Variants in NDUFA8 observed in about 807,000 individuals in gnomAD.
The protein encoded by NDUFA8 is NADH dehydrogenase [ubiquinone] 1 alpha subcomplex subunit 8.
A neutral mutation model predicts 20.9 loss-of-function variants in NDUFA8; 16 were observed. The observed-to-expected ratio is 0.77, with a 90% CI of 0.52 to 1.16. The LOEUF (loss-of-function observed/expected upper bound fraction) is 1.16, where lower values mean the gene tolerates loss of function less well. Ranked by LOEUF, NDUFA8 falls within the 50% of genes most tolerant of loss-of-function variation. The pLI, the probability that NDUFA8 is intolerant of heterozygous loss-of-function variation, is 0.00. For missense variants in NDUFA8, 202 were observed against 216.4 expected, an observed-to-expected ratio of 0.93 and a Z score of 0.42; for synonymous variants, 70 against 76.1, an observed-to-expected ratio of 0.92 and a Z score of 0.41.
In NDUFA8 at chr9:122,152,544, T is replaced by C. The variant is rs1829019488; in HGVS notation, c.52-136A>G. ...ACTTTACCAAGAAAATTAAACACTG[T>C]CATAATAATAATTTTTTTTTTTTTT... On this transcript the variant is annotated intron_variant, in intron 1 of 3. Transcript: ENST00000373768. 28 of 734,834 alleles carry C rather than the reference T, an allele frequency of 3.8e-5. No homozygotes were observed. The South Asian group carries it at 5.1e-4, about 13-fold the overall frequency. 45.5% of individuals were successfully genotyped at this position (734,834 alleles called of 1,614,324 possible).
chr9:122,142,261 G>T (rs1049635716), downstream of NDUFA8, among the ~76,000 whole-genome samples: 2 of 152,214 alleles, frequency 1.3e-5, no homozygotes, highest in African/African-American at 4.8e-5. Context: ...TTTGGAATCA[G>T]ATGTATCTGG....
intron 1 of NDUFA8, among the ~76,000 whole-genome samples, chr9:122,155,892 T>C (rs1829069935): frequency 6.6e-6 from 1 of 152,230 alleles, no homozygotes. Context: ...TATACACATG[T>C]TGCTGAGCAT....
rs1828935245 is a variant in NDUFA8, at chr9:122,148,197, T to G, written c.296A>C (p.His99Pro). ...AAACTTTGCCTGCTGTTTGCGACAG[T>G]GACGAAATAACTGCTGGCCAGTATA... ...IDYTGQQLFR[H>P]CRKQQAKFDE... The change falls in exon 3 of 4, where the codon CAC becomes CCC. Residue 99 changes from histidine to proline, a missense_variant. Coordinates refer to ENST00000373768, the MANE Select transcript of NDUFA8 (RefSeq NM_014222.3). The G allele has an allele frequency of 6.2e-7, 1 of 1,614,048 alleles. No individual in the cohort carries two copies. The highest frequency in any genetic ancestry group is 1.3e-5 in the African/African-American group (1 of 74,912).
the NDUFA8 span, among the ~76,000 whole-genome samples, chr9:122,133,700 C>T: frequency 6.6e-6 from 1 of 152,200 alleles, no homozygotes; most frequent in African/African-American, 2.4e-5. Flanking sequence ...GGTGGCTTGG[C>T]TGAGCTGAAG....
intron 2 of NDUFA8, among the ~76,000 whole-genome samples, chr9:122,148,887 A>G (rs1828947141): frequency 6.6e-6 from 1 of 152,234 alleles, no homozygotes; most frequent in South Asian, 2.1e-4. Flanking sequence ...ATTCTCTGCT[A>G]AGAAGCAGGG....
intron 1 of NDUFA8, among the ~76,000 whole-genome samples, chr9:122,158,150 AAAACAACAAAAC>A: frequency 1.3e-5 from 2 of 152,246 alleles, no homozygotes; most frequent in Non-Finnish European, 1.5e-5. Context: ...GAGACTCTCA[AAAACAACAAAAC>A]AAACAAACAA....
At chr9:122,134,518 G>A in the NDUFA8 span, among the ~76,000 whole-genome samples, 2 of 152,110 alleles carry the variant, frequency 1.3e-5, no homozygotes, top group East Asian at 1.9e-4. Flanking sequence ...CCTAATAAGC[G>A]TCAGTAATTA....
chr9:122,144,237 A>G lies in NDUFA8; in HGVS notation c.*4T>C. On this transcript the variant is annotated 3_prime_UTR_variant, in exon 4 of 4. Coordinates refer to ENST00000373768, the MANE Select transcript of NDUFA8 (RefSeq NM_014222.3). Reference sequence around the variant, plus strand: ...ATGACCGAGTGTGGGCCACGGACCCATCTTTACTTGGTCCAGAAATAAAAG... The same window carrying G: ...ATGACCGAGTGTGGGCCACGGACCCGTCTTTACTTGGTCCAGAAATAAAAG... The G allele has an allele frequency of 6.2e-7, 1 of 1,613,732 alleles. No individual in the cohort carries two copies. The highest frequency in any genetic ancestry group is 8.5e-7 in the Non-Finnish European group (1 of 1,180,018).
intron 3 of NDUFA8, among the ~76,000 whole-genome samples, chr9:122,146,580 C>T (rs1315641834): frequency 1.3e-5 from 2 of 152,120 alleles, no homozygotes; most frequent in Admixed American, 1.3e-4. Flanking sequence ...AGCTTATAAT[C>T]CAACCATTCA....
In NDUFA8 at chr9:122,144,325, T is replaced by C; in HGVS notation, c.435A>G (p.Arg145=). ...TCTCAGGGCTGGGATCCGGTCTTGG[T>C]CTTGAGTGATAGGGATTCTCCGGTA... ...RPLPENPYHS[R]PRPDPSPEIE... is the part of the protein sequence containing the mutation. Residue 145 remains arginine, a synonymous_variant, in exon 4 of 4, where the codon AGA becomes AGG. Coordinates refer to ENST00000373768, the MANE Select transcript of NDUFA8 (RefSeq NM_014222.3). 4 of 1,614,022 alleles carry C rather than the reference T, an allele frequency of 2.5e-6. No individual in the cohort carries two copies. The East Asian group carries it at 8.9e-5, about 36-fold the overall frequency.
rs59160522 is a variant in NDUFA8, at chr9:122,152,555, A to ATTT, written c.52-150_52-148dup. On this transcript the variant is annotated intron_variant, in intron 1 of 3. Coordinates refer to ENST00000373768, the MANE Select transcript of NDUFA8 (RefSeq NM_014222.3). The stretch of plus-strand genomic sequence containing the variant: ...AAAATTAAACACTGTCATAATAATA[A>ATTT]TTTTTTTTTTTTTTTTTGAGACAGG... 9.0e-3 allele frequency: 4,128 copies of ATTT among 460,768 alleles called. 15 individuals are homozygous for ATTT. Among genetic ancestry groups the ATTT allele is most frequent in the African/African-American group, 0.029 (1,305 of 45,592 alleles). 28.5% of individuals were successfully genotyped at this position (460,768 alleles called of 1,614,324 possible).
intron 3 of NDUFA8, 49 bp from the exon 4 acceptor site, chr9:122,144,427 G>T (rs1828871900): frequency 6.4e-7 from 1 of 1,574,316 alleles, no homozygotes; most frequent in Non-Finnish European, 8.7e-7. Context: ...TAGGGTGGAG[G>T]AATCTGTAAC....
chr9:122,148,938 G>A (rs919837765), intron 2 of NDUFA8, among the ~76,000 whole-genome samples: 4 of 152,156 alleles, frequency 2.6e-5, no homozygotes, highest in Non-Finnish European at 5.9e-5. Flanking sequence ...AATGGCTAGA[G>A]AAAATTTAAC....
downstream of NDUFA8, among the ~76,000 whole-genome samples, chr9:122,140,447 A>G (rs1291498591): frequency 3.3e-5 from 5 of 152,242 alleles, no homozygotes; most frequent in Non-Finnish European, 7.3e-5. Context: ...AAAGATGGCA[A>G]TGTAACCTCA....
At chr9:122,153,484 CA>C (rs1230122079) in intron 1 of NDUFA8, among the ~76,000 whole-genome samples, 1 of 151,870 alleles carries the variant, frequency 6.6e-6, no homozygotes, top group Non-Finnish European at 1.5e-5. Flanking sequence ...CCAAGGTTGC[CA>C]CCCCTTTAAC....
chr9:122,141,102 G>C (rs1279103236), downstream of NDUFA8, among the ~76,000 whole-genome samples: 1 of 152,234 alleles, frequency 6.6e-6, no homozygotes, highest in Non-Finnish European at 1.5e-5. Flanking sequence ...TTCCTGGCAA[G>C]GGGATAGCAT....
the NDUFA8 span, among the ~76,000 whole-genome samples, chr9:122,133,376 G>A: frequency 6.6e-5 from 10 of 152,144 alleles, no homozygotes; most frequent in African/African-American, 1.2e-4. Context: ...AAGTACAGAG[G>A]CAAAGAGCCC....
intron 1 of NDUFA8, among the ~76,000 whole-genome samples, chr9:122,154,625 T>C (rs1461551422): frequency 6.6e-6 from 1 of 152,132 alleles, no homozygotes; most frequent in Non-Finnish European, 1.5e-5. Flanking sequence ...ATAAAAACTG[T>C]CTCTTTCCCT....
At chr9:122,143,982 C>T, downstream of NDUFA8, 1 of 1,090,208 alleles carries the variant, frequency 9.2e-7, no homozygotes, top group Non-Finnish European at 1.2e-6. Flanking sequence ...ACAGGCAGGA[C>T]CACAAGAAGA....
Sources: gnomAD v4.1 joint callset for allele counts (sites outside exome capture counted in the v4.1 genomes callset) on GRCh38, gnomAD v4.1.1 for gene constraint, MANE v1.5 for transcripts, NCBI Gene and HGNC (gene_info 2026-07-23, HGNC 2026-07-21) for gene names.